The following CAPRIN2 variants were observed in gnomAD, a reference collection of about 807,000 sequenced individuals.
CAPRIN2 encodes caprin-2.
In CAPRIN2, 66 loss-of-function variants were observed where a neutral mutation model predicts 130.4. The ratio of observed to expected loss-of-function variants is 0.51; its 90% CI spans 0.42 to 0.62. The LOEUF is 0.62. CAPRIN2 is among the 20% of genes least tolerant of loss of function. The pLI is 0.00. For synonymous variants in CAPRIN2, 471 were observed against 444.1 expected (o/e 1.06, Z -0.76); for missense variants, 1,185 against 1,246.6 (o/e 0.95, Z 0.74).
At chr12:30,736,593 T>C (rs1021424118) in intron 3 of CAPRIN2, among the ~76,000 whole-genome samples, 1 of 152,194 alleles carries the variant, frequency 6.6e-6, no homozygotes, top group Non-Finnish European at 1.5e-5. Context: ...TTAATAAATA[T>C]GATTTGTGCT....
At chr12:30,713,881 A>T in exon 15 of CAPRIN2, 1 of 1,552,852 alleles carries the variant, frequency 6.4e-7, no homozygotes, top group South Asian at 1.1e-5. Flanking sequence ...TATAAGTATC[A>T]AAACCTAATA....
intron 3 of CAPRIN2, among the ~76,000 whole-genome samples, chr12:30,738,783 C>T (rs894313475): frequency 5.3e-5 from 8 of 151,854 alleles, no homozygotes; most frequent in Admixed American, 3.3e-4. Flanking sequence ...ATACATGTGG[C>T]CAAAAAGCAT....
chr12:30,722,332 T>C (rs924529559), intron 11 of CAPRIN2, among the ~76,000 whole-genome samples: 3 of 152,136 alleles, frequency 2.0e-5, no homozygotes, highest in Admixed American at 6.5e-5. Context: ...GGCAACACCC[T>C]AGAAAATTCT....
intron 2 of CAPRIN2, among the ~76,000 whole-genome samples, chr12:30,748,178 C>T (rs10843834): frequency 0.21 from 32,272 of 152,116 alleles, 3,682 homozygotes; most frequent in East Asian, 0.3. Flanking sequence ...CAAAGACTGA[C>T]TCCAATTTTG....
upstream of CAPRIN2, chr12:30,754,656 T>C (rs549159900): frequency 6.7e-6 from 1 of 149,872 alleles, no homozygotes; most frequent in Non-Finnish European, 1.5e-5. Context: ...CCCCTCCACC[T>C]CGCAGCGGCG....
intron 2 of CAPRIN2, among the ~76,000 whole-genome samples, chr12:30,742,289 C>T (rs894726279): frequency 6.6e-6 from 1 of 151,958 alleles, no homozygotes; most frequent in Non-Finnish European, 1.5e-5. Context: ...TATAAAGGTA[C>T]AGAACAATAG....
rs530978842 is a variant in CAPRIN2 at position 30,710,799 on chromosome 12, T to C, written c.2666-329A>G. Reference sequence around the variant, plus strand: ...TTACTTCATCTTCCTCCCATAATTCTTAATTTCTCAGAGGTCATTCTACAA... The same window carrying C: ...TTACTTCATCTTCCTCCCATAATTCCTAATTTCTCAGAGGTCATTCTACAA... On this transcript the variant is annotated intron_variant, in intron 16 of 16. Coordinates refer to ENST00000298892, the Ensembl canonical transcript of CAPRIN2. The surrounding 1 kb of genome is among the most constrained non-coding windows in gnomAD (Gnocchi z 4.8). Among the ~76,000 whole-genome samples the C allele has an allele frequency of 1.2e-4, 18 of 152,302 alleles. No individual in the cohort carries two copies. Among genetic ancestry groups the C allele is most frequent in the East Asian group, 3.9e-4 (2 of 5,174 alleles).
At chr12:30,739,078 A>C (rs966970621) in intron 3 of CAPRIN2, among the ~76,000 whole-genome samples, 5 of 152,252 alleles carry the variant, frequency 3.3e-5, no homozygotes, top group African/African-American at 4.8e-5. Context: ...AATATAAATC[A>C]TTCTACCATA....
At chr12:30,740,979 G>A (rs1484516001) in intron 3 of CAPRIN2, 41 bp downstream of exon 4, 3 of 1,246,532 alleles carry the variant, frequency 2.4e-6, no homozygotes, top group Admixed American at 1.8e-5. Flanking sequence ...AAGATCAGTG[G>A]TTAAAACTGG....
chr12:30,740,515 C>CA (rs1459896290), intron 3 of CAPRIN2, among the ~76,000 whole-genome samples: 4 of 152,012 alleles, frequency 2.6e-5, no homozygotes, highest in Non-Finnish European at 5.9e-5. Context: ...TTTGAACTGC[C>CA]AACATAGAGA....
chr12:30,750,846 TAAC>T (rs1237374328), intron 2 of CAPRIN2, among the ~76,000 whole-genome samples: 2 of 151,706 alleles, frequency 1.3e-5, no homozygotes, highest in Non-Finnish European at 2.9e-5. Context: ...TCACTCCTGT[TAAC>T]AATCTACACC....
At chr12:30,750,641 G>C (rs768627668) in intron 2 of CAPRIN2, among the ~76,000 whole-genome samples, 1 of 151,962 alleles carries the variant, frequency 6.6e-6, no homozygotes, top group African/African-American at 2.4e-5. Context: ...AAGGAATTAA[G>C]GTGAGGCAGC....
At chr12:30,719,054 A>C in intron 12 of CAPRIN2, 25 bp downstream of exon 14, 1 of 1,603,908 alleles carries the variant, frequency 6.2e-7, no homozygotes, top group Non-Finnish European at 8.5e-7. Context: ...ATGAACTGCA[A>C]TCATCATTCA....
intron 3 of CAPRIN2, 110 bp from the exon 5 acceptor site, chr12:30,735,316 A>T (rs538799700): frequency 2.4e-6 from 2 of 822,970 alleles, no homozygotes; most frequent in East Asian, 2.4e-5. Context: ...GATAAATCTC[A>T]TGACTGTCAA....
At chr12:30,735,105 C>G (rs1172111471) in exon 4 of CAPRIN2, 1 of 1,613,966 alleles carries the variant, frequency 6.2e-7, no homozygotes, top group Admixed American at 1.7e-5. Flanking sequence ...TCAAGTTCTG[C>G]AATACATACT....
At chr12:30,754,700 C>A, upstream of CAPRIN2, 1 of 153,178 alleles carries the variant, frequency 6.5e-6, no homozygotes, top group South Asian at 1.9e-4. Context: ...CTCGCCGGGT[C>A]AGCCGCCTCC....
intron 8 of CAPRIN2, among the ~76,000 whole-genome samples, chr12:30,726,844 T>C (rs2061084607): frequency 6.6e-6 from 1 of 152,180 alleles, no homozygotes; most frequent in Non-Finnish European, 1.5e-5. Flanking sequence ...ATTAATTTCA[T>C]GTTATCTAGT....
exon 8 of CAPRIN2, chr12:30,729,080 C>A (rs1278661698): frequency 6.2e-7 from 1 of 1,614,012 alleles, no homozygotes; most frequent in Non-Finnish European, 8.5e-7. Flanking sequence ...GCAGAGTAGA[C>A]CTGAGTTTTG....
At chr12:30,737,497 A>G (rs1166426195) in intron 3 of CAPRIN2, among the ~76,000 whole-genome samples, 2 of 152,162 alleles carry the variant, frequency 1.3e-5, no homozygotes, top group Non-Finnish European at 2.9e-5. Flanking sequence ...TTTAGATGAA[A>G]ATTAGAAAGG....
Sources: gnomAD v4.1 joint callset for allele counts (sites outside exome capture counted in the v4.1 genomes callset) on GRCh38, gnomAD v4.1.1 for gene constraint, Gnocchi (gnomAD v3.1) non-coding constraint, MANE v1.5 for transcripts, NCBI Gene and HGNC (gene_info 2026-07-23, HGNC 2026-07-21) for gene names.